Variants in SLC1A1 observed in about 807,000 individuals in gnomAD.
SLC1A1 encodes the protein excitatory amino acid transporter 3.
A neutral mutation model predicts 53.3 loss-of-function variants in SLC1A1; 43 were observed. The observed-to-expected ratio is 0.81, with a 90% CI of 0.63 to 1.04. The LOEUF (loss-of-function observed/expected upper bound fraction) is 1.04, where lower values mean the gene tolerates loss of function less well. Among genes scored for constraint, SLC1A1 ranks in the 50% least tolerant of loss-of-function variants. SLC1A1 has a pLI of 0.00. For missense variants in SLC1A1, 748 were observed against 664.9 expected (o/e 1.12, Z -1.37); for synonymous variants, 307 against 243.2 (o/e 1.26, Z -2.44).
At chr9:4,536,552 G>A (rs1816680811) in intron 1 of SLC1A1, among the ~76,000 whole-genome samples, 2 of 152,188 alleles carry the variant, frequency 1.3e-5, no homozygotes, top group South Asian at 2.1e-4. Flanking sequence ...AACAGGTGCT[G>A]GAGAGGATGT....
rs772734915 is a variant in SLC1A1 at position 4,582,143 on chromosome 9, G to A, written c.1194-895G>A. 1.9e-4 allele frequency among the ~76,000 whole-genome samples: 29 copies of A among 152,180 alleles called. 1 individual carries two copies. The highest frequency in any genetic ancestry group is 3.1e-4 in the Non-Finnish European group (21 of 68,030). ...ATTTTTCAGGGCATGTTGAACCCTTGTTTCCTTCAGAATGATCCAATTAAA... is the reference window on the plus strand; with the variant it reads ...ATTTTTCAGGGCATGTTGAACCCTTATTTCCTTCAGAATGATCCAATTAAA... On this transcript the variant is annotated intron_variant, in intron 10 of 11. Transcript: ENST00000262352.
At position 4,532,992 on chromosome 9, in the gene SLC1A1, A is replaced by C. The variant is rs545676285; in HGVS notation, c.92-11575A>C. Among the ~76,000 whole-genome samples the C allele has an allele frequency of 6.4e-3, 980 of 152,226 alleles. 7 individuals carry two copies. Among genetic ancestry groups the C allele is most frequent in the Middle Eastern group, 0.01 (3 of 294 alleles). ...TTCATAAGTGAAGGAGAAATAAAAT[A>C]CTTTACAGACAAGCAAATGCTGAGA... is the stretch of plus-strand genomic sequence containing the variant. On this transcript the variant is annotated intron_variant, in intron 1 of 11. Coordinates refer to ENST00000262352, the MANE Select transcript of SLC1A1 (RefSeq NM_004170.6).
intron 1 of SLC1A1, among the ~76,000 whole-genome samples, chr9:4,521,922 C>A (rs1172224120): frequency 3.9e-5 from 6 of 152,128 alleles, no homozygotes; most frequent in Non-Finnish European, 8.8e-5. Flanking sequence ...CTTGCAGCAG[C>A]ATCTTTATGC....
chr9:4,531,924 C>T (rs1816486826), intron 1 of SLC1A1, among the ~76,000 whole-genome samples: 1 of 152,182 alleles, frequency 6.6e-6, no homozygotes, highest in African/African-American at 2.4e-5. Flanking sequence ...GCAGTCTCCG[C>T]TGCTGATACA....
intron 1 of SLC1A1, among the ~76,000 whole-genome samples, chr9:4,543,206 A>G (rs1817165492): frequency 6.6e-6 from 1 of 152,212 alleles, no homozygotes; most frequent in East Asian, 1.9e-4. Context: ...TTGTGCCCAA[A>G]TAAGTCTTGG....
intron 1 of SLC1A1, among the ~76,000 whole-genome samples, chr9:4,531,164 C>A (rs1816452603): frequency 6.6e-6 from 1 of 152,210 alleles, no homozygotes; most frequent in Non-Finnish European, 1.5e-5. Context: ...GCATTTCCAA[C>A]TGAGATACCA....
chr9:4,586,538 GATT>G lies in SLC1A1; in HGVS notation c.*983_*985del, dbSNP rs1453301977. 2 of 152,132 alleles carry G rather than the reference GATT, an allele frequency of 1.3e-5. No individual in the cohort carries two copies. The highest frequency in any genetic ancestry group is 4.8e-5 in the African/African-American group (2 of 41,416). The allele number at this position is 152,132 out of a possible 1,614,324, so 9.4% of individuals were successfully genotyped here. On this transcript the variant is annotated 3_prime_UTR_variant, in exon 12 of 12. Coordinates refer to ENST00000262352, the MANE Select transcript of SLC1A1 (RefSeq NM_004170.6). Reference sequence around the variant, plus strand: ...GGGAATCCATATCAGCTCTGCATAAGATTATATACAAAGCTGTCACTCACAAAA... The same window carrying G: ...GGGAATCCATATCAGCTCTGCATAAGATATACAAAGCTGTCACTCACAAAA...
chr9:4,521,744 G>A (rs577976402), intron 1 of SLC1A1, among the ~76,000 whole-genome samples: 4 of 152,270 alleles, frequency 2.6e-5, no homozygotes, highest in Non-Finnish European at 4.4e-5. Context: ...AAGGCCTGGA[G>A]CCTCACACTG....
At chr9:4,568,297 T>C (rs367770206) in intron 6 of SLC1A1, among the ~76,000 whole-genome samples, 76 of 152,066 alleles carry the variant, frequency 5.0e-4, no homozygotes, top group African/African-American at 1.7e-3. Context: ...GCACACCTAT[T>C]GTCCCAGCTA....
At chr9:4,551,089 A>T (rs1443566922) in intron 2 of SLC1A1, among the ~76,000 whole-genome samples, 1 of 152,250 alleles carries the variant, frequency 6.6e-6, no homozygotes, top group Non-Finnish European at 1.5e-5. Flanking sequence ...GTATGAATGC[A>T]CTGAAGAGAC....
intron 4 of SLC1A1, among the ~76,000 whole-genome samples, 155 bp downstream of exon 4, chr9:4,564,613 T>G (rs1357507104): frequency 2.0e-5 from 3 of 152,206 alleles, no homozygotes; most frequent in Non-Finnish European, 2.9e-5. Flanking sequence ...ACAAATTACA[T>G]AGCCAGTACT....
At chr9:4,539,618 C>T (rs1816836163) in intron 1 of SLC1A1, among the ~76,000 whole-genome samples, 1 of 152,114 alleles carries the variant, frequency 6.6e-6, no homozygotes, top group African/African-American at 2.4e-5. Context: ...GTCATCTAGG[C>T]TGGAGTACAG....
At chr9:4,492,010 G>C (rs910795803) in intron 1 of SLC1A1, among the ~76,000 whole-genome samples, 1 of 152,174 alleles carries the variant, frequency 6.6e-6, no homozygotes, top group Non-Finnish European at 1.5e-5. Context: ...CAGAACCTTG[G>C]GGAAAGGAAA....
At chr9:4,540,011 A>G (rs1816867000) in intron 1 of SLC1A1, among the ~76,000 whole-genome samples, 1 of 152,182 alleles carries the variant, frequency 6.6e-6, no homozygotes, top group African/African-American at 2.4e-5. Flanking sequence ...GAGAACATAC[A>G]TTCTTGTTTT....
chr9:4,545,841 C>T (rs1437807356), intron 2 of SLC1A1, among the ~76,000 whole-genome samples: 2 of 151,712 alleles, frequency 1.3e-5, no homozygotes, highest in Non-Finnish European at 1.5e-5. Flanking sequence ...TGTCATTTGT[C>T]TGGCTGTGAT....
At chr9:4,542,140 T>C (rs903375789) in intron 1 of SLC1A1, among the ~76,000 whole-genome samples, 5 of 151,856 alleles carry the variant, frequency 3.3e-5, no homozygotes, top group Non-Finnish European at 7.4e-5. Context: ...TTTCTATTCT[T>C]CTTTTTAGAA....
intron 11 of SLC1A1, among the ~76,000 whole-genome samples, chr9:4,585,106 G>T (rs1283909334): frequency 6.6e-6 from 1 of 152,196 alleles, no homozygotes; most frequent in African/African-American, 2.4e-5. Flanking sequence ...AGACTTAGGG[G>T]AGTCATTGCT....
chr9:4,508,180 A>C (rs1820867161), intron 1 of SLC1A1, among the ~76,000 whole-genome samples: 1 of 152,206 alleles, frequency 6.6e-6, no homozygotes, highest in African/African-American at 2.4e-5. Flanking sequence ...TGATAGGTAG[A>C]ATCACCCATG....
intron 2 of SLC1A1, among the ~76,000 whole-genome samples, chr9:4,545,979 T>TGTC (rs1176647820): frequency 1.3e-5 from 2 of 152,118 alleles, no homozygotes; most frequent in Non-Finnish European, 2.9e-5. Flanking sequence ...AGTCGTGACA[T>TGTC]GTCCCCTTCT....
Sources: gnomAD v4.1 joint callset for allele counts (sites outside exome capture counted in the v4.1 genomes callset) on GRCh38, gnomAD v4.1.1 for gene constraint, MANE v1.5 for transcripts, NCBI Gene and HGNC (gene_info 2026-07-23, HGNC 2026-07-21) for gene names.